PITPNC1: variants seen among roughly 807,000 people sequenced by gnomAD.
The protein encoded by PITPNC1 is cytoplasmic phosphatidylinositol transfer protein 1.
In PITPNC1, 18 loss-of-function variants were observed where a neutral mutation model predicts 44.7. That is an observed-to-expected ratio of 0.40 (90% CI 0.28 to 0.60). The LOEUF (loss-of-function observed/expected upper bound fraction) is 0.60. Ranked by LOEUF, PITPNC1 falls within the 20% of genes least tolerant of loss-of-function variation. The pLI is 0.39. For synonymous variants in PITPNC1, 141 were observed against 149.6 expected, an observed-to-expected ratio of 0.94 and a Z score of 0.42; for missense variants, 290 against 418.4, an observed-to-expected ratio of 0.69 and a Z score of 2.68.
intron 3 of PITPNC1, 32 bp from the exon 4 acceptor site, chr17:67,553,578 C>A: frequency 9.0e-7 from 1 of 1,113,512 alleles, no homozygotes; most frequent in Non-Finnish European, 1.3e-6. Context: ...TTTTTTCTTT[C>A]CTCTCTTCTT....
chr17:67,569,285 C>T (rs2041021134), intron 4 of PITPNC1, among the ~76,000 whole-genome samples: 1 of 152,172 alleles, frequency 6.6e-6, no homozygotes, highest in South Asian at 2.1e-4. Flanking sequence ...TTTTCCAAAG[C>T]ATGTCTGTAG....
chr17:67,502,919 G>A (rs1297017876), intron 1 of PITPNC1, among the ~76,000 whole-genome samples: 1 of 151,904 alleles, frequency 6.6e-6, no homozygotes, highest in African/African-American at 2.4e-5. Flanking sequence ...TCAGCCTCCC[G>A]AGTAGCTGGG....
chr17:67,524,605 G>C (rs1364318441), intron 1 of PITPNC1: 2 of 151,458 alleles, frequency 1.3e-5, no homozygotes, highest in African/African-American at 4.9e-5. Flanking sequence ...AATCTAGTGT[G>C]CATTTTAGAC....
At chr17:67,555,218 TG>T (rs1262879939) in intron 4 of PITPNC1, among the ~76,000 whole-genome samples, 1 of 152,186 alleles carries the variant, frequency 6.6e-6, no homozygotes, top group Non-Finnish European at 1.5e-5. Flanking sequence ...TTCCTAGAGA[TG>T]TTAGCGGAAG....
intron 5 of PITPNC1, among the ~76,000 whole-genome samples, chr17:67,630,034 A>C (rs903100609): frequency 1.3e-5 from 2 of 152,222 alleles, no homozygotes; most frequent in Non-Finnish European, 2.9e-5. Context: ...TTCAGAAAGC[A>C]TTTAGAAAGG....
At chr17:67,663,245 A>G (rs2042373964) in intron 6 of PITPNC1, among the ~76,000 whole-genome samples, 1 of 152,232 alleles carries the variant, frequency 6.6e-6, no homozygotes, top group Non-Finnish European at 1.5e-5. Context: ...CACCCAGGAA[A>G]GAATTCAAGG....
At chr17:67,531,777 G>A (rs73334024) in intron 1 of PITPNC1, among the ~76,000 whole-genome samples, 6,866 of 152,224 alleles carry the variant, frequency 0.045, 236 homozygotes, top group East Asian at 0.11. Context: ...CAGAGGCGTC[G>A]GTGGTAATGA....
chr17:67,614,611 G>A (rs964662352), intron 5 of PITPNC1, among the ~76,000 whole-genome samples: 2 of 151,230 alleles, frequency 1.3e-5, no homozygotes, highest in Admixed American at 1.3e-4. Flanking sequence ...GGCAGAGGCT[G>A]GAGTGAGCTG....
chr17:67,628,044 A>C (rs957527809), intron 5 of PITPNC1, among the ~76,000 whole-genome samples: 16 of 150,670 alleles, frequency 1.1e-4, no homozygotes, highest in Non-Finnish European at 1.6e-4. Flanking sequence ...CTCATGCCTC[A>C]GTCTCCTGAG....
At chr17:67,685,643 C>T (rs1475767442) in intron 8 of PITPNC1, among the ~76,000 whole-genome samples, 1 of 152,150 alleles carries the variant, frequency 6.6e-6, no homozygotes, top group Non-Finnish European at 1.5e-5. Flanking sequence ...GCATGAAGTT[C>T]CGCTCTGCCA....
chr17:67,453,017 C>T (rs12947139), intron 1 of PITPNC1, among the ~76,000 whole-genome samples: 1,667 of 152,240 alleles, frequency 0.011, 11 homozygotes, highest in Non-Finnish European at 0.019. Flanking sequence ...TTTAAAACTG[C>T]TTTCCATTAT....
chr17:67,634,982 C>T (rs376955395), intron 6 of PITPNC1, among the ~76,000 whole-genome samples: 9 of 152,214 alleles, frequency 5.9e-5, no homozygotes, highest in South Asian at 4.1e-4. Context: ...GAAGTCCCAG[C>T]GACTCAGGAG....
intron 6 of PITPNC1, among the ~76,000 whole-genome samples, chr17:67,641,777 A>T (rs1273800397): frequency 8.4e-6 from 1 of 118,908 alleles, no homozygotes; most frequent in Non-Finnish European, 1.7e-5. Context: ...GCAAGACCCT[A>T]CCTCAAAATA....
intron 1 of PITPNC1, among the ~76,000 whole-genome samples, chr17:67,407,812 A>C (rs2038423531): frequency 6.6e-6 from 1 of 152,124 alleles, no homozygotes; most frequent in Non-Finnish European, 1.5e-5. Flanking sequence ...AAAAAGAAAA[A>C]CAAAAAAAAC....
intron 8 of PITPNC1, among the ~76,000 whole-genome samples, chr17:67,689,063 G>A (rs969665784): frequency 1.3e-3 from 191 of 152,104 alleles, no homozygotes; most frequent in Non-Finnish European, 1.6e-3. Context: ...TTAGCTGGGC[G>A]TGGTGGCGCA....
intron 5 of PITPNC1, among the ~76,000 whole-genome samples, chr17:67,578,675 ATGTG>A (rs2041184251): frequency 1.3e-5 from 2 of 152,242 alleles, no homozygotes; most frequent in Non-Finnish European, 2.9e-5. Context: ...AGTCAGATGT[ATGTG>A]TGAACAGAAA....
At chr17:67,682,066 T>G (rs1449256418) in intron 8 of PITPNC1, among the ~76,000 whole-genome samples, 1 of 151,906 alleles carries the variant, frequency 6.6e-6, no homozygotes, top group African/African-American at 2.4e-5. Context: ...CTGAGTATGG[T>G]GACACGTGCC....
intron 8 of PITPNC1, among the ~76,000 whole-genome samples, chr17:67,685,006 G>C (rs139481083): frequency 1.3e-5 from 2 of 152,306 alleles, no homozygotes; most frequent in East Asian, 3.9e-4. Flanking sequence ...TGGGATGGTG[G>C]GGGGCACCCC....
At chr17:67,587,329 A>C (rs1206401202) in intron 5 of PITPNC1, among the ~76,000 whole-genome samples, 1 of 151,922 alleles carries the variant, frequency 6.6e-6, no homozygotes, top group Non-Finnish European at 1.5e-5. Context: ...CTCTACAAAA[A>C]AAAAAAAAAA....
Sources: gnomAD v4.1 joint callset for allele counts (sites outside exome capture counted in the v4.1 genomes callset) on GRCh38, gnomAD v4.1.1 for gene constraint, MANE v1.5 for transcripts, NCBI Gene and HGNC (gene_info 2026-07-23, HGNC 2026-07-21) for gene names.